Variants in COG3 observed in about 807,000 individuals in gnomAD.
COG3 encodes the protein conserved oligomeric Golgi complex subunit 3.
Under a neutral mutation model 114.1 loss-of-function variants are expected in COG3, and 32 were observed. The ratio of observed to expected loss-of-function variants is 0.28; its 90% CI spans 0.21 to 0.38. COG3 has a LOEUF of 0.38. COG3 is among the 10% of genes least tolerant of loss of function. The pLI, the probability that COG3 is intolerant of heterozygous loss-of-function variation, is 1.00. For missense variants in COG3, 813 were observed against 973.2 expected, an observed-to-expected ratio of 0.84 and a Z score of 2.19; for synonymous variants, 352 against 365.7, an observed-to-expected ratio of 0.96 and a Z score of 0.43.
chr13:45,524,437 C>T (rs944514422), intron 19 of COG3, among the ~76,000 whole-genome samples: 7 of 152,150 alleles, frequency 4.6e-5, no homozygotes, highest in African/African-American at 1.7e-4. Context: ...TCAGGTCTAT[C>T]TTTAGCACTG....
At chr13:45,493,924 C>T (rs193122579) in intron 12 of COG3, 24 of 153,192 alleles carry the variant, frequency 1.6e-4, no homozygotes, top group Non-Finnish European at 1.2e-4. Context: ...TAAAGAAAAG[C>T]GGTTCTCTGG....
At position 45,481,090 on chromosome 13, in the gene COG3, G is replaced by A. The variant is rs80218425; in HGVS notation, c.550-140G>A. 4,191 of 634,014 alleles carry A rather than the reference G, an allele frequency of 6.6e-3. 166 individuals are homozygous for A. In the East Asian group the frequency reaches 0.093, roughly 14 times the overall value. The allele number at this position is 634,014 out of a possible 1,614,324, so 39.3% of individuals were successfully genotyped here. A position where few individuals can be genotyped will look rare whatever the true frequency, so the allele number is the denominator to read the frequency against. The stretch of plus-strand genomic sequence containing the variant: ...TTATCGCCCCTTTTAGTTCATGATT[G>A]TAGAAATACTTGAGCTGAATTCTCA... On this transcript the variant is annotated intron_variant, in intron 4 of 22. Transcript: ENST00000349995.
intron 7 of COG3, among the ~76,000 whole-genome samples, chr13:45,486,231 A>G (rs1886634373): frequency 6.9e-6 from 1 of 144,938 alleles, no homozygotes; most frequent in Non-Finnish European, 1.5e-5. Flanking sequence ...GGGAGGTTGC[A>G]GTGAGCCGAG....
At chr13:45,487,963 A>G (rs1018010418) in intron 8 of COG3, among the ~76,000 whole-genome samples, 2 of 152,234 alleles carry the variant, frequency 1.3e-5, no homozygotes, top group African/African-American at 4.8e-5. Flanking sequence ...TAGTAAAGAT[A>G]TGGAATCAAC....
At chr13:45,515,157 A>G (rs1871410002) in intron 16 of COG3, among the ~76,000 whole-genome samples, 1 of 152,234 alleles carries the variant, frequency 6.6e-6, no homozygotes, top group Non-Finnish European at 1.5e-5. Context: ...TAGGTCTTTT[A>G]AAAATAGAGC....
intron 19 of COG3, among the ~76,000 whole-genome samples, 165 bp downstream of exon 19, chr13:45,519,259 T>C (rs937706050): frequency 6.6e-6 from 1 of 152,224 alleles, no homozygotes; most frequent in Non-Finnish European, 1.5e-5. Context: ...AGCTTTCTGG[T>C]TTATGGACTT....
intron 7 of COG3, among the ~76,000 whole-genome samples, chr13:45,484,017 G>C (rs963225186): frequency 1.3e-5 from 2 of 152,116 alleles, no homozygotes; most frequent in Non-Finnish European, 2.9e-5. Context: ...TTAACAGAGT[G>C]TAAGGTTAGA....
intron 8 of COG3, among the ~76,000 whole-genome samples, chr13:45,490,568 A>G (rs1461952220): frequency 6.6e-6 from 1 of 152,158 alleles, no homozygotes; most frequent in East Asian, 1.9e-4. Context: ...ACCAGGTACT[A>G]TGCTAAGGCC....
intron 1 of COG3, 82 bp from the exon 2 acceptor site, chr13:45,476,119 A>C (rs781382956): frequency 1.5e-6 from 2 of 1,300,502 alleles, no homozygotes; most frequent in Non-Finnish European, 2.2e-6. Flanking sequence ...TTTCAAAACA[A>C]CTGAGATGGA....
chr13:45,518,643 T>C, intron 17 of COG3, 119 bp from the exon 18 acceptor site: 1 of 667,102 alleles, frequency 1.5e-6, no homozygotes, highest in East Asian at 2.6e-5. Context: ...TTCATGGAGG[T>C]GAGTTGCTGA....
Position 45,491,490 on chromosome 13 carries a change from C to T in COG3, c.1047C>T (p.Cys349=). The T allele has an allele frequency of 1.2e-6, 2 of 1,613,574 alleles. No homozygotes were observed. The highest frequency in any genetic ancestry group is 1.7e-6 in the Non-Finnish European group (2 of 1,179,672). Residue 349 remains cysteine, a synonymous_variant, in exon 10 of 23, where the codon TGC becomes TGT. Coordinates refer to ENST00000349995, the MANE Select transcript of COG3 (RefSeq NM_031431.4). ...TCCTTTTGGGCCCTAGTATTGCTTG[C>T]ACTGTTGCAGAGTTAACCAGCCAAA... ...RELLLGPSIA[C]TVAELTSQNN...
rs189263274 is a variant in COG3, at chr13:45,512,631, C to T, written c.1809+777C>T. 1.2e-4 allele frequency among the ~76,000 whole-genome samples: 18 copies of T among 150,868 alleles called. No individual in the cohort carries two copies. In the East Asian group the frequency reaches 3.5e-3, roughly 29 times the overall value. Reference sequence around the variant, plus strand: ...TACAGGTGTGAGCCACTGTGCCTGGCCTTTTTTTTTTTCTGAGAGAGGGTC... The same window carrying T: ...TACAGGTGTGAGCCACTGTGCCTGGTCTTTTTTTTTTTCTGAGAGAGGGTC... On this transcript the variant is annotated intron_variant, in intron 16 of 22. Coordinates refer to ENST00000349995, the MANE Select transcript of COG3 (RefSeq NM_031431.4).
intron 10 of COG3, 51 bp downstream of exon 10, chr13:45,491,589 G>A: frequency 6.4e-7 from 1 of 1,563,328 alleles, no homozygotes; most frequent in Non-Finnish European, 8.7e-7. Flanking sequence ...CTTGAGTTAT[G>A]TTGATATCCT....
chr13:45,478,237 A>G (rs1221483177), intron 2 of COG3, among the ~76,000 whole-genome samples: 1 of 149,124 alleles, frequency 6.7e-6, no homozygotes, highest in Non-Finnish European at 1.5e-5. Context: ...TGTCACCCAA[A>G]CTGGAGTGCA....
intron 12 of COG3, among the ~76,000 whole-genome samples, chr13:45,494,857 CTCTTTTCTTTTTTT>C (rs1868552420): frequency 8.2e-6 from 1 of 122,012 alleles, no homozygotes; most frequent in Non-Finnish European, 1.6e-5. Flanking sequence ...TTCTTTTTTT[CTCTTTTCTTTTTTT>C]TTTTTTTGAG....
At chr13:45,530,466 C>T (rs1422872593) in intron 21 of COG3, among the ~76,000 whole-genome samples, 4 of 152,158 alleles carry the variant, frequency 2.6e-5, no homozygotes, top group African/African-American at 9.7e-5. Flanking sequence ...GGACAAGGCT[C>T]GCTAGAGTTT....
intron 13 of COG3, among the ~76,000 whole-genome samples, chr13:45,497,928 A>G (rs933544306): frequency 6.6e-6 from 1 of 152,238 alleles, no homozygotes; most frequent in Non-Finnish European, 1.5e-5. Context: ...GAGTAAAGAT[A>G]TCAAGTCAAG....
Position 45,535,485 on chromosome 13 carries a change from C to T in COG3, c.*754C>T, listed in dbSNP as rs922356204. 1.0e-5 allele frequency: 10 copies of T among 985,186 alleles called. No homozygotes were observed. Among genetic ancestry groups the T allele is most frequent in the South Asian group, 9.4e-5 (2 of 21,274 alleles). 61.0% of individuals were successfully genotyped at this position (985,186 alleles called of 1,614,324 possible). On this transcript the variant is annotated 3_prime_UTR_variant, in exon 23 of 23. Transcript: ENST00000349995. Reference sequence around the variant, plus strand: ...GTATGATAGTGTGTGTTTGTGAGTGCGAAGTACCAATTAAGGTGTCTTAAA... The same window carrying T: ...GTATGATAGTGTGTGTTTGTGAGTGTGAAGTACCAATTAAGGTGTCTTAAA...
At chr13:45,487,985 T>C (rs2137820448) in intron 8 of COG3, among the ~76,000 whole-genome samples, 1 of 152,252 alleles carries the variant, frequency 6.6e-6, no homozygotes, top group East Asian at 1.9e-4. Flanking sequence ...TAAGTGTCAA[T>C]CAGTGGATGA....
Sources: allele counts gnomAD v4.1 joint callset (sites outside exome capture counted in the v4.1 genomes callset), GRCh38; gene constraint gnomAD v4.1.1; transcripts MANE v1.5; gene names NCBI Gene and HGNC (gene_info 2026-07-23, HGNC 2026-07-21).